ZNF727: variants seen among roughly 807,000 people sequenced by gnomAD.
ZNF727 encodes the protein zinc finger protein 727.
In ZNF727, 11 loss-of-function variants were observed where a neutral mutation model predicts 11.5. The ratio of observed to expected loss-of-function variants is 0.95; its 90% CI spans 0.60 to 1.58. The LOEUF (loss-of-function observed/expected upper bound fraction) is 1.58, where lower values mean the gene tolerates loss of function less well. Among genes scored for constraint, ZNF727 ranks in the 40% most tolerant of loss-of-function variants. The pLI is 0.00. For missense variants in ZNF727, 533 were observed against 581.7 expected, an observed-to-expected ratio of 0.92 and a Z score of 0.86; for synonymous variants, 171 against 196.1, an observed-to-expected ratio of 0.87 and a Z score of 1.07.
chr7:64,073,305 G>T (rs202100319), intron 3 of ZNF727, among the ~76,000 whole-genome samples: 23,615 of 107,014 alleles, frequency 0.22, 2,482 homozygotes, highest in Non-Finnish European at 0.29. Context: ...TCAATTTTTT[G>T]TGTGTTTTTT....
At chr7:64,046,650 C>G (rs1789512452) in intron 1 of ZNF727, among the ~76,000 whole-genome samples, 1 of 152,260 alleles carries the variant, frequency 6.6e-6, no homozygotes, top group Non-Finnish European at 1.5e-5. Context: ...GCTTTCTGTA[C>G]AGCCTGTGGA....
intron 3 of ZNF727, among the ~76,000 whole-genome samples, chr7:64,072,678 C>T (rs73698310): frequency 0.013 from 1,908 of 152,080 alleles, 42 homozygotes; most frequent in African/African-American, 0.043. Flanking sequence ...TGGAAGGAGC[C>T]GGAGATAGTT....
chr7:64,066,839 A>G (rs998188247), intron 1 of ZNF727, among the ~76,000 whole-genome samples: 114 of 152,338 alleles, frequency 7.5e-4, no homozygotes, highest in African/African-American at 2.6e-3. Context: ...GCACTGCAAA[A>G]GAAACTATCC....
chr7:64,059,287 G>T (rs1385369835), intron 1 of ZNF727, among the ~76,000 whole-genome samples: 1 of 151,972 alleles, frequency 6.6e-6, no homozygotes, highest in Non-Finnish European at 1.5e-5. Context: ...TACACTCTTA[G>T]GTTGAAAAGG....
At chr7:64,064,211 C>G (rs1185829419) in intron 1 of ZNF727, among the ~76,000 whole-genome samples, 1 of 152,140 alleles carries the variant, frequency 6.6e-6, no homozygotes, top group Non-Finnish European at 1.5e-5. Context: ...CTCCACATGG[C>G]TGCCACAGCT....
Position 64,046,394 on chromosome 7 carries a change from T to A in ZNF727, c.3+770T>A, listed in dbSNP as rs143545696. On this transcript the variant is annotated intron_variant, in intron 1 of 3. Coordinates refer to ENST00000456806, the MANE Select transcript of ZNF727 (RefSeq NM_001159522.3). ...TTCCAGCCCAACTCTCCTATTTAAA[T>A]GTAATACCCCATGTTGGAGGTGGGG... is the stretch of plus-strand genomic sequence containing the variant. Among the ~76,000 whole-genome samples, 8 of 152,314 alleles carry A rather than the reference T, an allele frequency of 5.3e-5. No individual in the cohort carries two copies. The East Asian group carries it at 1.5e-3, about 29-fold the overall frequency.
intron 1 of ZNF727, among the ~76,000 whole-genome samples, chr7:64,065,801 TGTACCA>T (rs1463715417): frequency 6.6e-6 from 1 of 151,360 alleles, no homozygotes; most frequent in Non-Finnish European, 1.5e-5. Flanking sequence ...TTCTTTCTTG[TGTACCA>T]GAGCCTTCTC....
intron 1 of ZNF727, among the ~76,000 whole-genome samples, chr7:64,064,795 A>G (rs566754547): frequency 2.6e-5 from 4 of 152,228 alleles, no homozygotes; most frequent in African/African-American, 9.6e-5. Flanking sequence ...CTCTGGCTGA[A>G]TTCTGCCCCA....
chr7:64,052,378 CTT>C (rs56215284), intron 1 of ZNF727, among the ~76,000 whole-genome samples: 15,372 of 128,918 alleles, frequency 0.12, 652 homozygotes, highest in African/African-American at 0.15. Context: ...ATTTCTCTCT[CTT>C]TTTTTTTTTT....
intron 1 of ZNF727, among the ~76,000 whole-genome samples, chr7:64,063,625 C>G (rs551302044): frequency 0.018 from 2,408 of 136,858 alleles, 43 homozygotes; most frequent in Non-Finnish European, 0.025. Flanking sequence ...AGTGACCTAG[C>G]TACTACTGAT....
chr7:64,060,844 T>C (rs1789759163), intron 1 of ZNF727, among the ~76,000 whole-genome samples: 2 of 152,078 alleles, frequency 1.3e-5, no homozygotes, highest in Non-Finnish European at 2.9e-5. Context: ...TAAACCTTCT[T>C]AGTACTTCTT....
chr7:64,080,850 G>A lies in ZNF727; in HGVS notation c.*2301G>A, dbSNP rs1403797933. Among the ~76,000 whole-genome samples, 7 of 151,818 alleles carry A rather than the reference G, an allele frequency of 4.6e-5. No individual in the cohort carries two copies. Among genetic ancestry groups the A allele is most frequent in the South Asian group, 2.1e-4 (1 of 4,808 alleles). ...GGTAAAAGGTGGATTCAGCCAACAGGCTTTGTTCCTGGGAGTTTTTTGTTT... is the reference window on the plus strand; with the variant it reads ...GGTAAAAGGTGGATTCAGCCAACAGACTTTGTTCCTGGGAGTTTTTTGTTT... On this transcript the variant is annotated 3_prime_UTR_variant, in exon 4 of 4. Coordinates refer to ENST00000456806, the MANE Select transcript of ZNF727 (RefSeq NM_001159522.3).
chr7:64,067,941 A>G (rs1306152630), intron 1 of ZNF727, among the ~76,000 whole-genome samples: 1 of 152,154 alleles, frequency 6.6e-6, no homozygotes, highest in Non-Finnish European at 1.5e-5. Flanking sequence ...AGACTTATTT[A>G]TATACACCAT....
intron 1 of ZNF727, among the ~76,000 whole-genome samples, chr7:64,057,840 T>C (rs1388809138): frequency 3.9e-5 from 6 of 152,214 alleles, no homozygotes; most frequent in Admixed American, 3.9e-4. Context: ...AATGCAGTTA[T>C]ATTCTCCTTT....
chr7:64,077,035 TA>T (rs1210389980), intron 3 of ZNF727, among the ~76,000 whole-genome samples: 1 of 152,188 alleles, frequency 6.6e-6, no homozygotes, highest in Non-Finnish European at 1.5e-5. Flanking sequence ...ATTACACTTC[TA>T]TGTGGTTCTT....
At chr7:64,059,251 C>G (rs181873602) in intron 1 of ZNF727, among the ~76,000 whole-genome samples, 144 of 152,050 alleles carry the variant, frequency 9.5e-4, no homozygotes, top group Middle Eastern at 6.8e-3. Context: ...CTGGCTATTG[C>G]ATTGTCTTAA....
At chr7:64,076,621 AT>A (rs1233290620) in intron 3 of ZNF727, among the ~76,000 whole-genome samples, 1 of 152,230 alleles carries the variant, frequency 6.6e-6, no homozygotes, top group East Asian at 1.9e-4. Flanking sequence ...GACTTCTTTT[AT>A]GTGTTGTATG....
chr7:64,046,342 A>G (rs958081147), intron 1 of ZNF727, among the ~76,000 whole-genome samples: 2 of 152,160 alleles, frequency 1.3e-5, no homozygotes, highest in African/African-American at 4.8e-5. Flanking sequence ...AAATTGAGGC[A>G]TCTTTAGGAT....
rs116228793 is a variant in ZNF727 at position 64,054,507 on chromosome 7, A to G, written c.3+8883A>G. ...CACCCTTTGCCCTGTGAATAAACAT[A>G]GCTGCTCTGTCTGTTATTTTGCTAT... On this transcript the variant is annotated intron_variant, in intron 1 of 3. Coordinates refer to ENST00000456806, the MANE Select transcript of ZNF727 (RefSeq NM_001159522.3). Among the ~76,000 whole-genome samples, 365 of 152,312 alleles carry G rather than the reference A, an allele frequency of 2.4e-3. 1 individual carries two copies. Among genetic ancestry groups the G allele is most frequent in the African/African-American group, 8.3e-3 (347 of 41,586 alleles).
Sources: allele counts gnomAD v4.1 joint callset (sites outside exome capture counted in the v4.1 genomes callset), GRCh38; gene constraint gnomAD v4.1.1; transcripts MANE v1.5; gene names NCBI Gene and HGNC (gene_info 2026-07-23, HGNC 2026-07-21).